Variants in OSBPL10 observed in about 807,000 individuals in gnomAD.
OSBPL10 encodes the protein oxysterol-binding protein-related protein 10.
In OSBPL10, 49 loss-of-function variants were observed where a neutral mutation model predicts 81.7. The ratio of observed to expected loss-of-function variants is 0.60; its 90% confidence interval spans 0.48 to 0.76. OSBPL10 has a LOEUF of 0.76. Among genes scored for constraint, OSBPL10 ranks in the 30% least tolerant of loss-of-function variants. The pLI is 0.00. For synonymous variants in OSBPL10, 419 were observed against 383.6 expected, an observed-to-expected ratio of 1.09 and a Z score of -1.08; for missense variants, 923 against 987.8, an observed-to-expected ratio of 0.93 and a Z score of 0.88.
intron 2 of OSBPL10, among the ~76,000 whole-genome samples, chr3:32,004,174 C>A (rs1699179722): frequency 6.6e-6 from 1 of 152,084 alleles, no homozygotes. Context: ...TGTTGGCACC[C>A]TTTGTTAGAG....
At chr3:31,700,718 TTCA>T (rs1437315555) in intron 7 of OSBPL10, among the ~76,000 whole-genome samples, 1 of 152,212 alleles carries the variant, frequency 6.6e-6, no homozygotes, top group Non-Finnish European at 1.5e-5. Context: ...TCATCCACAC[TTCA>T]TCAAACTTCA....
At chr3:31,728,766 G>A (rs1335379145) in intron 6 of OSBPL10, among the ~76,000 whole-genome samples, 2 of 152,190 alleles carry the variant, frequency 1.3e-5, no homozygotes, top group Non-Finnish European at 2.9e-5. Flanking sequence ...AAAGGGGCAT[G>A]AGGGAATCTG....
intron 1 of OSBPL10, among the ~76,000 whole-genome samples, chr3:31,953,077 G>A (rs893293831): frequency 2.0e-5 from 3 of 151,378 alleles, no homozygotes; most frequent in East Asian, 2.0e-4. Context: ...GATTACAGGC[G>A]CCCACCACCA....
chr3:31,878,086 G>A (rs921142187), intron 2 of OSBPL10, among the ~76,000 whole-genome samples: 3 of 152,018 alleles, frequency 2.0e-5, no homozygotes, highest in African/African-American at 4.8e-5. Context: ...TTATAGTTAC[G>A]CTTTAGCTAA....
intron 7 of OSBPL10, among the ~76,000 whole-genome samples, chr3:31,691,702 G>A (rs1186980015): frequency 1.3e-5 from 2 of 152,038 alleles, no homozygotes; most frequent in African/African-American, 2.4e-5. Flanking sequence ...CTGTATGCCA[G>A]CCTGAGTTGT....
At chr3:31,773,000 CT>C (rs60001546) in intron 4 of OSBPL10, among the ~76,000 whole-genome samples, 13,855 of 137,862 alleles carry the variant, frequency 0.1, 1,103 homozygotes, top group African/African-American at 0.25. Flanking sequence ...CGTGACCAAA[CT>C]TTTTTTTTTT....
chr3:31,809,904 T>C (rs1285691495), intron 4 of OSBPL10, among the ~76,000 whole-genome samples: 6 of 145,402 alleles, frequency 4.1e-5, no homozygotes, highest in Non-Finnish European at 8.9e-5. Flanking sequence ...GGAGTTTTGC[T>C]TTTGTTGCCC....
intron 10 of OSBPL10, 74 bp from the exon 11 acceptor site, chr3:31,664,306 C>T (rs749441122): frequency 2.0e-6 from 3 of 1,518,308 alleles, no homozygotes; most frequent in Admixed American, 1.7e-5. Context: ...CTGCCAGGAG[C>T]AGCCAGAGCA....
chr3:32,062,835 A>C (rs1281687876), intron 1 of OSBPL10, among the ~76,000 whole-genome samples: 1 of 94,860 alleles, frequency 1.1e-5, no homozygotes, highest in Non-Finnish European at 2.8e-5. Flanking sequence ...AAATCTTTGA[A>C]ATTTAAAAAT....
intron 1 of OSBPL10, among the ~76,000 whole-genome samples, chr3:31,965,761 A>T (rs1311403258): frequency 8.2e-5 from 5 of 61,292 alleles, no homozygotes; most frequent in Non-Finnish European, 1.3e-4. Context: ...ATATTATATT[A>T]AAAGATAATA....
At chr3:31,762,492 A>C (rs1461111983) in intron 4 of OSBPL10, among the ~76,000 whole-genome samples, 2 of 151,882 alleles carry the variant, frequency 1.3e-5, no homozygotes, top group Non-Finnish European at 2.9e-5. Context: ...TTTTGTTTCG[A>C]GACAGGGTCT....
chr3:31,871,134 A>G lies in OSBPL10; in HGVS notation c.537+5299T>C, dbSNP rs780631304. On this transcript the variant is annotated intron_variant, in intron 3 of 11. Transcript: ENST00000396556. ...GCAACCCGTTCCCGTCCCCTTCTGC[A>G]CTGTAGAAGGTTTGTTCTTTCGCTC... 3.3e-5 allele frequency among the ~76,000 whole-genome samples: 5 copies of G among 152,274 alleles called. 1 individual carries two copies. The highest frequency in any genetic ancestry group is 4.2e-4 in the South Asian group (2 of 4,818).
chr3:31,995,781 T>C (rs999170365), intron 2 of OSBPL10, among the ~76,000 whole-genome samples: 9 of 152,214 alleles, frequency 5.9e-5, no homozygotes, highest in African/African-American at 2.2e-4. Context: ...GGTCCCTCCA[T>C]TCAGGGTCCC....
chr3:32,023,850 T>A (rs1699379509), intron 2 of OSBPL10, among the ~76,000 whole-genome samples: 1 of 152,208 alleles, frequency 6.6e-6, no homozygotes, highest in Non-Finnish European at 1.5e-5. Context: ...ATGTAAACTT[T>A]ATGGTAAAGT....
intron 3 of OSBPL10, among the ~76,000 whole-genome samples, chr3:31,873,453 G>T (rs1701381103): frequency 6.6e-6 from 1 of 152,072 alleles, no homozygotes; most frequent in South Asian, 2.1e-4. Flanking sequence ...CCACAGGCTG[G>T]GTCATCCTTA....
chr3:31,856,999 G>T (rs1286409894), intron 3 of OSBPL10, among the ~76,000 whole-genome samples: 1 of 152,114 alleles, frequency 6.6e-6, no homozygotes, highest in African/African-American at 2.4e-5. Context: ...GGCGGTGGAG[G>T]GTTCAAGGAT....
At chr3:32,011,420 C>T (rs1699257182) in intron 2 of OSBPL10, among the ~76,000 whole-genome samples, 1 of 152,134 alleles carries the variant, frequency 6.6e-6, no homozygotes, top group Non-Finnish European at 1.5e-5. Context: ...GAAAGGACAT[C>T]CACACCAAAA....
intron 4 of OSBPL10, among the ~76,000 whole-genome samples, chr3:31,760,103 T>C (rs1185099308): frequency 1.3e-5 from 2 of 152,094 alleles, no homozygotes; most frequent in African/African-American, 2.4e-5. Flanking sequence ...AGAAAATATA[T>C]TTACTATTCA....
intron 2 of OSBPL10, among the ~76,000 whole-genome samples, chr3:32,006,769 C>T (rs544553084): frequency 2.6e-5 from 4 of 152,318 alleles, no homozygotes; most frequent in South Asian, 2.1e-4. Context: ...TCTGCCCCAT[C>T]GGGCTATTTA....
Sources: allele counts gnomAD v4.1 joint callset (sites outside exome capture counted in the v4.1 genomes callset), GRCh38; gene constraint gnomAD v4.1.1; transcripts MANE v1.5; gene names NCBI Gene and HGNC (gene_info 2026-07-23, HGNC 2026-07-21).